Variants in TMEM120B observed in about 807,000 individuals in gnomAD.
The protein encoded by TMEM120B is transmembrane protein 120B.
In TMEM120B, 31 loss-of-function variants were observed where a neutral mutation model predicts 55.5. That is an observed-to-expected ratio of 0.56 (90% confidence interval 0.42 to 0.75). TMEM120B has a LOEUF of 0.75. TMEM120B is among the 30% of genes least tolerant of loss of function. TMEM120B has a pLI of 0.00. For missense variants in TMEM120B, 399 were observed against 425.5 expected (o/e 0.94, Z 0.55); for synonymous variants, 203 against 176.3 (o/e 1.15, Z -1.20).
chr12:121,717,001 T>G (rs1161440782), intron 1 of TMEM120B, among the ~76,000 whole-genome samples: 1 of 152,050 alleles, frequency 6.6e-6, no homozygotes, highest in Admixed American at 6.6e-5. Context: ...AAAGGATCAG[T>G]TTTCTTTGGA....
chr12:121,760,524 C>T (rs1873643029), intron 5 of TMEM120B, among the ~76,000 whole-genome samples: 1 of 152,206 alleles, frequency 6.6e-6, no homozygotes, highest in Non-Finnish European at 1.5e-5. Context: ...CACACATGCT[C>T]ACTTGAGGCA....
intron 6 of TMEM120B, among the ~76,000 whole-genome samples, chr12:121,765,969 T>G (rs1417350481): frequency 6.6e-6 from 1 of 152,108 alleles, no homozygotes; most frequent in African/African-American, 2.4e-5. Flanking sequence ...ATCCACTCAC[T>G]CGGGGCTGGT....
At chr12:121,761,083 A>G (rs1455117756) in intron 5 of TMEM120B, among the ~76,000 whole-genome samples, 2 of 152,018 alleles carry the variant, frequency 1.3e-5, no homozygotes, top group Non-Finnish European at 2.9e-5. Flanking sequence ...GGTTCAAGCA[A>G]TTCTCCTACC....
At chr12:121,762,178 A>T (rs1873700521) in intron 6 of TMEM120B, among the ~76,000 whole-genome samples, 1 of 151,572 alleles carries the variant, frequency 6.6e-6, no homozygotes, top group African/African-American at 2.4e-5. Flanking sequence ...CAGAAGGCTG[A>T]GGCAGAATAG....
At chr12:121,733,924 G>C (rs1051669116) in intron 1 of TMEM120B, among the ~76,000 whole-genome samples, 3 of 152,152 alleles carry the variant, frequency 2.0e-5, no homozygotes, top group Admixed American at 2.0e-4. Flanking sequence ...TTCTGATACT[G>C]TTAATATACT....
At chr12:121,722,215 C>T (rs1009576516) in intron 1 of TMEM120B, among the ~76,000 whole-genome samples, 1 of 151,870 alleles carries the variant, frequency 6.6e-6, no homozygotes, top group Non-Finnish European at 1.5e-5. Flanking sequence ...TCTTCTGCCT[C>T]AGCCCCCTGA....
intron 6 of TMEM120B, among the ~76,000 whole-genome samples, chr12:121,762,067 C>T (rs181711376): frequency 3.4e-4 from 52 of 152,120 alleles, no homozygotes; most frequent in Non-Finnish European, 5.4e-4. Flanking sequence ...CCGAGGGGGG[C>T]AGATCACGAG....
chr12:121,712,759 C>T lies in TMEM120B; in HGVS notation c.-137C>T. On this transcript the variant is annotated 5_prime_UTR_variant, in exon 1 of 12. Transcript: ENST00000449592. Reference sequence around the variant, plus strand: ...GGGCGGGGCCGTGACGTCAGTTGCGCGCGTGGCTCTGGCTGCGCAGGAACA... The same window carrying T: ...GGGCGGGGCCGTGACGTCAGTTGCGTGCGTGGCTCTGGCTGCGCAGGAACA... 2 of 482,844 alleles carry T rather than the reference C, an allele frequency of 4.1e-6. No individual in the cohort carries two copies. Among genetic ancestry groups the T allele is most frequent in the Non-Finnish European group, 6.2e-6 (2 of 321,336 alleles). The allele number at this position is 482,844 out of a possible 1,614,324, so 29.9% of individuals were successfully genotyped here.
chr12:121,725,373 T>G (rs1894873378), intron 1 of TMEM120B, among the ~76,000 whole-genome samples: 1 of 152,196 alleles, frequency 6.6e-6, no homozygotes, highest in African/African-American at 2.4e-5. Context: ...GTCTCCCGTG[T>G]TCTAATCTAC....
At chr12:121,714,808 C>T (rs1319953473) in intron 1 of TMEM120B, among the ~76,000 whole-genome samples, 2 of 151,758 alleles carry the variant, frequency 1.3e-5, no homozygotes, top group African/African-American at 4.8e-5. Flanking sequence ...GATCTGCCTG[C>T]CTCGGCCTCC....
chr12:121,771,400 C>G, intron 7 of TMEM120B, 88 bp from the exon 8 acceptor site: 1 of 1,190,582 alleles, frequency 8.4e-7, no homozygotes, highest in East Asian at 2.3e-5. Flanking sequence ...ACCTTTTCGC[C>G]TCTTCTGGTT....
At chr12:121,743,796 G>A (rs759115979) in intron 2 of TMEM120B, 49 bp downstream of exon 2, 2 of 1,368,400 alleles carry the variant, frequency 1.5e-6, no homozygotes, top group African/African-American at 2.9e-5. Context: ...AGGGACAGAA[G>A]TCCAACTCAA....
At position 121,770,888 on chromosome 12, in the gene TMEM120B, G is replaced by C. The variant is rs566919388; in HGVS notation, c.552-19G>C. On this transcript the variant is annotated intron_variant, in intron 6 of 11. Coordinates refer to ENST00000449592, the MANE Select transcript of TMEM120B (RefSeq NM_001080825.2). Reference sequence around the variant, plus strand: ...TGCTCTCCCCTCCTGAGCACTTTCCGTTCTCTCCCTCTCCCGAGAATTAAA... The same window carrying C: ...TGCTCTCCCCTCCTGAGCACTTTCCCTTCTCTCCCTCTCCCGAGAATTAAA... 1.3e-5 allele frequency: 21 copies of C among 1,613,672 alleles called. No homozygotes were observed. The highest frequency in any genetic ancestry group is 3.3e-4 in the Middle Eastern group (2 of 6,062).
chr12:121,756,835 A>G (rs1378883219), intron 5 of TMEM120B, among the ~76,000 whole-genome samples: 1 of 152,214 alleles, frequency 6.6e-6, no homozygotes, highest in East Asian at 1.9e-4. Context: ...TCAGGGCCTC[A>G]GTTCAAATCT....
At chr12:121,762,277 A>G (rs1439158581) in intron 6 of TMEM120B, among the ~76,000 whole-genome samples, 2 of 151,944 alleles carry the variant, frequency 1.3e-5, no homozygotes, top group Admixed American at 6.6e-5. Context: ...GTCTCAAAAA[A>G]AAAAAAAAAA....
Position 121,770,990 on chromosome 12 carries a change from G to A in TMEM120B, c.617+18G>A, listed in dbSNP as rs1293034975. 1.2e-6 allele frequency: 2 copies of A among 1,612,698 alleles called. No individual in the cohort carries two copies. Among genetic ancestry groups the A allele is most frequent in the Non-Finnish European group, 1.7e-6 (2 of 1,179,386 alleles). Reference sequence around the variant, plus strand: ...CTGACCTGGTGAGTAGCCCCTCGCTGGGCCCCTCCAGCCTCCCAGGGAGTA... The same window carrying A: ...CTGACCTGGTGAGTAGCCCCTCGCTAGGCCCCTCCAGCCTCCCAGGGAGTA... On this transcript the variant is annotated intron_variant, in intron 7 of 11. Coordinates refer to ENST00000449592, the MANE Select transcript of TMEM120B (RefSeq NM_001080825.2).
Position 121,743,658 on chromosome 12 carries a change from G to T in TMEM120B, c.99G>T (p.Leu33=). The T allele has an allele frequency of 1.2e-6, 2 of 1,613,690 alleles. No homozygotes were observed. The highest frequency in any genetic ancestry group is 1.7e-6 in the Non-Finnish European group (2 of 1,179,976). ...CGCACAGGATCTACAAGCAGAAGCTGGAGGAGCTGGCTGCGCTGCAGACGC... is the reference window on the plus strand; with the variant it reads ...CGCACAGGATCTACAAGCAGAAGCTTGAGGAGCTGGCTGCGCTGCAGACGC... The part of the protein sequence containing the change: ...QETHRIYKQK[L]EELAALQTLC... Residue 33 remains leucine (L), a synonymous_variant, in exon 2 of 12, where the codon CTG becomes CTT. Coordinates refer to ENST00000449592, the MANE Select transcript of TMEM120B (RefSeq NM_001080825.2).
chr12:121,713,191 C>T (rs943742357), intron 1 of TMEM120B, among the ~76,000 whole-genome samples: 1 of 152,154 alleles, frequency 6.6e-6, no homozygotes, highest in Non-Finnish European at 1.5e-5. Context: ...CGCCGCCCTC[C>T]CACTGGCTCT....
chr12:121,762,078 G>A (rs1353284414), intron 6 of TMEM120B, among the ~76,000 whole-genome samples: 1 of 152,132 alleles, frequency 6.6e-6, no homozygotes, highest in African/African-American at 2.4e-5. Context: ...AGATCACGAG[G>A]TCAGGAGATG....
Sources: allele counts gnomAD v4.1 joint callset (sites outside exome capture counted in the v4.1 genomes callset), GRCh38; gene constraint gnomAD v4.1.1; transcripts MANE v1.5; gene names NCBI Gene and HGNC (gene_info 2026-07-23, HGNC 2026-07-21).